LEPR: variants seen among roughly 807,000 people sequenced by gnomAD.
LEPR encodes the protein leptin receptor.
LEPR carries 56 observed loss-of-function variants against 114.7 expected under a neutral mutation model. The observed-to-expected ratio is 0.49, with a 90% confidence interval of 0.39 to 0.61. The LOEUF is 0.61. LEPR is among the 20% of genes least tolerant of loss of function. The probability of loss-of-function intolerance (pLI) is 0.00; values close to 1 mark genes in which losing one functional copy is unlikely to be tolerated. For missense variants in LEPR, 1,202 were observed against 1,352.9 expected, an observed-to-expected ratio of 0.89 and a Z score of 1.75; for synonymous variants, 443 against 461.4, an observed-to-expected ratio of 0.96 and a Z score of 0.51.
rs530183935 is a variant in LEPR at position 65,449,864 on chromosome 1, T to C, written c.-21+24486T>C. 2.6e-5 allele frequency among the ~76,000 whole-genome samples: 4 copies of C among 152,272 alleles called. No homozygotes were observed. The South Asian group carries it at 8.3e-4, about 32-fold the overall frequency. ...AGCCTAGATGATTGATTTTATATCT[T>C]TCTTCCTTTCTAATATATACATTTA... On this transcript the variant is annotated intron_variant, in intron 2 of 19. Coordinates refer to ENST00000349533, the MANE Select transcript of LEPR (RefSeq NM_002303.6).
At chr1:65,590,079 G>C (rs1655583131) in intron 5 of LEPR, among the ~76,000 whole-genome samples, 1 of 151,604 alleles carries the variant, frequency 6.6e-6, no homozygotes, top group Middle Eastern at 3.2e-3. Context: ...ATTTTAGTTA[G>C]GTCTTAATAA....
intron 5 of LEPR, among the ~76,000 whole-genome samples, chr1:65,574,903 C>CG (rs1181403064): frequency 9.2e-5 from 14 of 152,122 alleles, no homozygotes; most frequent in Admixed American, 7.9e-4. Flanking sequence ...AGAGCTCATT[C>CG]GGGGGAGCGG....
intron 2 of LEPR, among the ~76,000 whole-genome samples, chr1:65,531,138 G>A (rs1029502907): frequency 6.6e-6 from 1 of 152,040 alleles, no homozygotes; most frequent in Non-Finnish European, 1.5e-5. Flanking sequence ...TACCTGTCTG[G>A]TCTCATTTCC....
At chr1:65,437,577 G>A (rs369052170) in intron 2 of LEPR, among the ~76,000 whole-genome samples, 14 of 151,970 alleles carry the variant, frequency 9.2e-5, no homozygotes, top group African/African-American at 3.1e-4. Context: ...CCCGAAAGGC[G>A]GAGGTTGCAG....
intron 2 of LEPR, among the ~76,000 whole-genome samples, chr1:65,504,325 C>G (rs1648612801): frequency 6.6e-6 from 1 of 152,050 alleles, no homozygotes; most frequent in Admixed American, 6.6e-5. Flanking sequence ...TGATTTCCTT[C>G]CAAAGAGTAC....
chr1:65,577,205 C>A, intron 5 of LEPR: 1 of 161,018 alleles, frequency 6.2e-6, no homozygotes. Context: ...CTTCAATTGG[C>A]TGTCTAGGAA....
In LEPR at chr1:65,605,171, A is replaced by C; in HGVS notation, c.1537A>C (p.Ile513Leu). ...CCTATTATCTGGCTACACAATGTGG[A>C]TTAGGATCAATCACTCTCTAGGTTC... ...IFLLSGYTMW[I>L]RINHSLGSLD... The change falls in exon 11 of 20, where the codon ATT becomes CTT. Residue 513 changes from isoleucine (I) to leucine (L), a missense_variant. Coordinates refer to ENST00000349533, the MANE Select transcript of LEPR (RefSeq NM_002303.6). 3.1e-6 allele frequency: 5 copies of C among 1,614,100 alleles called. No individual in the cohort carries two copies. The highest frequency in any genetic ancestry group is 4.2e-6 in the Non-Finnish European group (5 of 1,180,012).
At chr1:65,487,284 A>G (rs1647539985) in intron 2 of LEPR, among the ~76,000 whole-genome samples, 1 of 152,064 alleles carries the variant, frequency 6.6e-6, no homozygotes, top group African/African-American at 2.4e-5. Context: ...ACTTATTAGC[A>G]GTGGAATTGA....
intron 2 of LEPR, among the ~76,000 whole-genome samples, chr1:65,504,850 A>G (rs1042042861): frequency 8.5e-5 from 13 of 152,194 alleles, no homozygotes; most frequent in Admixed American, 3.3e-4. Context: ...GGTGTGAAGT[A>G]TATGGGAATT....
At chr1:65,458,716 A>G (rs569043431) in intron 2 of LEPR, among the ~76,000 whole-genome samples, 35 of 152,024 alleles carry the variant, frequency 2.3e-4, no homozygotes, top group African/African-American at 8.4e-4. Context: ...AGCTTCCTGA[A>G]TCTTTGGTTT....
intron 18 of LEPR, among the ~76,000 whole-genome samples, chr1:65,622,337 G>A (rs963703073): frequency 1.3e-5 from 2 of 152,116 alleles, no homozygotes; most frequent in African/African-American, 2.4e-5. Context: ...ATGATCAGCA[G>A]GCACTCTGCT....
intron 2 of LEPR, among the ~76,000 whole-genome samples, chr1:65,507,563 A>AT (rs1648819562): frequency 6.7e-6 from 1 of 149,476 alleles, no homozygotes; most frequent in African/African-American, 2.5e-5. Flanking sequence ...ACACACACAC[A>AT]ACATTAAAAA....
chr1:65,636,684 G>T lies in LEPR; in HGVS notation c.3167G>T (p.Gly1056Val). 6.2e-7 allele frequency: 1 copy of T among 1,609,274 alleles called. No individual in the cohort carries two copies. The highest frequency in any genetic ancestry group is 8.5e-7 in the Non-Finnish European group (1 of 1,177,096). ...TCACCACACCTCACATTCTCAGAAG[G>T]ATTGGATGAACTTTTGAAATTGGAG... The part of the protein sequence containing the change: ...IISPHLTFSE[G>V]LDELLKLEGN... Residue 1056 changes from glycine (G) to valine (V), a missense_variant, in exon 20 of 20, where the codon GGA becomes GTA. By Grantham distance (109) the Gly-to-Val change is moderately radical. Coordinates refer to ENST00000349533, the MANE Select transcript of LEPR (RefSeq NM_002303.6).
At chr1:65,555,869 T>C (rs1206962609) in intron 2 of LEPR, among the ~76,000 whole-genome samples, 1 of 152,168 alleles carries the variant, frequency 6.6e-6, no homozygotes, top group Admixed American at 6.5e-5. Flanking sequence ...GGTAGTCTGT[T>C]TGGCATGTTT....
At chr1:65,541,216 A>T (rs1279351375) in intron 2 of LEPR, among the ~76,000 whole-genome samples, 11 of 152,218 alleles carry the variant, frequency 7.2e-5, no homozygotes, top group Admixed American at 5.2e-4. Flanking sequence ...AAGTAAATAA[A>T]TTTTAATTAT....
At chr1:65,450,333 AG>A (rs924798642) in intron 2 of LEPR, among the ~76,000 whole-genome samples, 7 of 151,466 alleles carry the variant, frequency 4.6e-5, no homozygotes, top group Non-Finnish European at 8.8e-5. Flanking sequence ...TGTGCAGGTT[AG>A]TTACATATGT....
chr1:65,630,233 A>G lies in LEPR; in HGVS notation c.2674-5958A>G, dbSNP rs781333158. On this transcript the variant is annotated intron_variant, in intron 19 of 19. Coordinates refer to ENST00000349533, the MANE Select transcript of LEPR (RefSeq NM_002303.6). ...GAAGGCAGCATGTTCGTTAAGAGTCATCACCACTCCCTAATCTCAAGTACC... is the reference window on the plus strand; with the variant it reads ...GAAGGCAGCATGTTCGTTAAGAGTCGTCACCACTCCCTAATCTCAAGTACC... 1.4e-4 allele frequency: 50 copies of G among 349,842 alleles called. No individual in the cohort carries two copies. The highest frequency in any genetic ancestry group is 3.7e-4 in the Admixed American group (11 of 29,428). 21.7% of individuals were successfully genotyped at this position (349,842 alleles called of 1,614,324 possible). A position where few individuals can be genotyped will look rare whatever the true frequency, so the allele number is the denominator to read the frequency against.
chr1:65,640,782 T>TTTA lies in LEPR; in HGVS notation c.*3767_*3768insTTA, dbSNP rs1658837908. On this transcript the variant is annotated 3_prime_UTR_variant, in exon 20 of 20. Transcript: ENST00000349533. ...TCCATGGCTTTTTTTTTTTTTTTTT[T>TTTA]AGGAAGTCTTGCTCTGTTGCCCAGC... 7.3e-6 allele frequency: 1 copy of TTTA among 136,876 alleles called. No individual in the cohort carries two copies. The highest frequency in any genetic ancestry group is 2.2e-4 in the South Asian group (1 of 4,472). 8.5% of individuals were successfully genotyped at this position (136,876 alleles called of 1,614,324 possible).
chr1:65,618,896 A>G (rs985528787), intron 16 of LEPR, among the ~76,000 whole-genome samples: 3 of 152,158 alleles, frequency 2.0e-5, no homozygotes, highest in Non-Finnish European at 2.9e-5. Flanking sequence ...CAAACTGTGT[A>G]CCAACTTATA....
Sources: gnomAD v4.1 joint callset for allele counts (sites outside exome capture counted in the v4.1 genomes callset) on GRCh38, gnomAD v4.1.1 for gene constraint, MANE v1.5 for transcripts, NCBI Gene and HGNC (gene_info 2026-07-23, HGNC 2026-07-21) for gene names.